The following ARL15 variants were observed in gnomAD, a reference collection of about 807,000 sequenced individuals.
ARL15 encodes ARF like GTPase 15.
A neutral mutation model predicts 25.2 loss-of-function variants in ARL15; 19 were observed. The ratio of observed to expected loss-of-function variants is 0.75; its 90% confidence interval spans 0.53 to 1.10. The LOEUF (loss-of-function observed/expected upper bound fraction) is 1.10. Ranked by LOEUF, ARL15 falls within the 50% of genes least tolerant of loss-of-function variation. The pLI is 0.00. For synonymous variants in ARL15, 94 were observed against 86.8 expected (o/e 1.08, Z -0.46); for missense variants, 220 against 246.0 (o/e 0.89, Z 0.71).
chr5:53,951,994 G>A (rs1007085613), intron 4 of ARL15, among the ~76,000 whole-genome samples: 3 of 151,876 alleles, frequency 2.0e-5, no homozygotes, highest in Admixed American at 1.3e-4. Context: ...GTAGCTGGGC[G>A]TGGTGGCTCG....
chr5:54,171,731 G>A, intron 2 of ARL15, 53 bp downstream of exon 2: 2 of 1,552,946 alleles, frequency 1.3e-6, no homozygotes, highest in Non-Finnish European at 1.7e-6. Context: ...CAGGAAACTA[G>A]GACATCTTGG....
At chr5:53,998,649 A>G (rs1244581591) in intron 4 of ARL15, among the ~76,000 whole-genome samples, 2 of 152,242 alleles carry the variant, frequency 1.3e-5, no homozygotes, top group Admixed American at 6.5e-5. Context: ...GAGGGCATGA[A>G]AAGTCTTTGA....
At chr5:53,909,324 AACTTTTAT>A (rs1745376867) in intron 4 of ARL15, among the ~76,000 whole-genome samples, 2 of 152,384 alleles carry the variant, frequency 1.3e-5, no homozygotes, top group East Asian at 3.9e-4. Flanking sequence ...AAAGATTATT[AACTTTTAT>A]ATATCTTTAT....
intron 3 of ARL15, among the ~76,000 whole-genome samples, chr5:54,125,074 T>TG (rs1753204121): frequency 2.0e-5 from 3 of 150,256 alleles, no homozygotes; most frequent in African/African-American, 7.4e-5. Context: ...TTTTTTGTTT[T>TG]GTTTTGTTTT....
At chr5:54,135,356 T>A (rs1227305449) in intron 3 of ARL15, among the ~76,000 whole-genome samples, 1 of 152,180 alleles carries the variant, frequency 6.6e-6, no homozygotes, top group Non-Finnish European at 1.5e-5. Flanking sequence ...GCACATATTT[T>A]ACAAGGGACC....
chr5:54,163,217 C>A (rs1337175716), intron 2 of ARL15, among the ~76,000 whole-genome samples: 1 of 151,964 alleles, frequency 6.6e-6, no homozygotes, highest in African/African-American at 2.4e-5. Flanking sequence ...TTTGAATGTG[C>A]AACCAACTCT....
intron 1 of ARL15, among the ~76,000 whole-genome samples, chr5:54,283,143 G>A (rs1242513976): frequency 6.6e-6 from 1 of 152,196 alleles, no homozygotes; most frequent in African/African-American, 2.4e-5. Flanking sequence ...TTGTGGCAAG[G>A]AGGCAAAGAC....
At chr5:54,080,291 CAG>C (rs1433847893) in intron 4 of ARL15, among the ~76,000 whole-genome samples, 1 of 152,154 alleles carries the variant, frequency 6.6e-6, no homozygotes, top group Non-Finnish European at 1.5e-5. Flanking sequence ...GGATTAGAGA[CAG>C]AAACAAAAGA....
At chr5:54,215,637 A>G (rs1313905530) in intron 1 of ARL15, among the ~76,000 whole-genome samples, 3 of 149,568 alleles carry the variant, frequency 2.0e-5, no homozygotes, top group Non-Finnish European at 4.5e-5. Flanking sequence ...GGGGGGAAAA[A>G]GGAACTGAAT....
intron 4 of ARL15, among the ~76,000 whole-genome samples, chr5:53,969,328 A>C (rs1342758202): frequency 6.6e-6 from 1 of 152,210 alleles, no homozygotes; most frequent in African/African-American, 2.4e-5. Flanking sequence ...AGTTAGGAAG[A>C]TGGGGCCAAA....
intron 3 of ARL15, among the ~76,000 whole-genome samples, chr5:54,118,669 G>C (rs1004587746): frequency 6.6e-6 from 1 of 152,156 alleles, no homozygotes; most frequent in African/African-American, 2.4e-5. Context: ...CAAGATAGAA[G>C]AGCTGGAGTT....
At chr5:54,294,425 T>C (rs1579989249) in intron 1 of ARL15, among the ~76,000 whole-genome samples, 1 of 152,200 alleles carries the variant, frequency 6.6e-6, no homozygotes, top group East Asian at 1.9e-4. Context: ...CCTGTATTAT[T>C]TAGGATGCCC....
chr5:54,071,012 A>G (rs2112071063), intron 4 of ARL15, among the ~76,000 whole-genome samples: 1 of 149,098 alleles, frequency 6.7e-6, no homozygotes, highest in Non-Finnish European at 1.5e-5. Flanking sequence ...CTATGAAAAA[A>G]CACAAAAATT....
chr5:54,121,143 G>T (rs1753062040), intron 3 of ARL15, among the ~76,000 whole-genome samples: 1 of 152,134 alleles, frequency 6.6e-6, no homozygotes, highest in Non-Finnish European at 1.5e-5. Context: ...CACTTTGAGT[G>T]TTTTTTCGTC....
intron 1 of ARL15, among the ~76,000 whole-genome samples, chr5:54,243,629 T>C (rs1757015050): frequency 6.6e-6 from 1 of 152,234 alleles, no homozygotes; most frequent in South Asian, 2.1e-4. Context: ...GAAATGGTTA[T>C]TGATGACCAT....
chr5:53,933,620 G>A (rs930768866), intron 4 of ARL15, among the ~76,000 whole-genome samples: 8 of 141,990 alleles, frequency 5.6e-5, no homozygotes, highest in Non-Finnish European at 9.0e-5. Flanking sequence ...ACTCCAGTCT[G>A]GGCGACAGAG....
At chr5:54,179,140 A>G (rs905945596) in intron 1 of ARL15, among the ~76,000 whole-genome samples, 7 of 152,200 alleles carry the variant, frequency 4.6e-5, no homozygotes, top group Non-Finnish European at 1.0e-4. Context: ...AAACTTCTGC[A>G]ATGATAAGCC....
chr5:53,959,926 A>C (rs542238211), intron 4 of ARL15, among the ~76,000 whole-genome samples: 1 of 152,062 alleles, frequency 6.6e-6, no homozygotes, highest in Admixed American at 6.6e-5. Context: ...AGACAGGAGC[A>C]TGGCTTGTCC....
chr5:53,992,837 G>GGTAACCCGAGGTCA (rs201522466), intron 4 of ARL15, among the ~76,000 whole-genome samples: 1 of 151,984 alleles, frequency 6.6e-6, no homozygotes, highest in African/African-American at 2.4e-5. Flanking sequence ...GAGGTGGGTC[G>GGTAACCCGAGGTCA]GGAGTTTGAG....
Sources: allele counts gnomAD v4.1 joint callset (sites outside exome capture counted in the v4.1 genomes callset), GRCh38; gene constraint gnomAD v4.1.1; transcripts MANE v1.5; gene names NCBI Gene and HGNC (gene_info 2026-07-23, HGNC 2026-07-21).